Variants in PCDHA2 observed in about 807,000 individuals in gnomAD.
The protein encoded by PCDHA2 is protocadherin alpha 2, also known as protocadherin alpha-2.
A neutral mutation model predicts 66.0 loss-of-function variants in PCDHA2; 58 were observed. The ratio of observed to expected loss-of-function variants is 0.88; its 90% CI spans 0.71 to 1.09. PCDHA2 has a LOEUF of 1.09. PCDHA2 is among the 50% of genes least tolerant of loss of function. PCDHA2 has a pLI of 0.00. For missense variants in PCDHA2, 1,267 were observed against 1,242.3 expected, an observed-to-expected ratio of 1.02 and a Z score of -0.30; for synonymous variants, 634 against 554.0, an observed-to-expected ratio of 1.14 and a Z score of -2.03.
At chr5:140,948,897 T>C (rs1487067374) in intron 1 of PCDHA2, among the ~76,000 whole-genome samples, 1 of 151,680 alleles carries the variant, frequency 6.6e-6, no homozygotes. Context: ...AGATTTTAAG[T>C]GGATTCTTAG....
At chr5:140,954,591 G>A (rs951330274) in intron 1 of PCDHA2, among the ~76,000 whole-genome samples, 3 of 152,062 alleles carry the variant, frequency 2.0e-5, no homozygotes, top group Non-Finnish European at 2.9e-5. Context: ...GTCTGTTCAT[G>A]TTCTTTGCCC....
At chr5:140,875,884 C>T (rs531777396) in intron 1 of PCDHA2, 2 of 1,614,168 alleles carry the variant, frequency 1.2e-6, no homozygotes, top group South Asian at 2.2e-5. Flanking sequence ...AGAAAGGGAA[C>T]AAAAGGTACC....
At chr5:140,875,207 C>A in intron 1 of PCDHA2, 3 of 660,292 alleles carry the variant, frequency 4.5e-6, no homozygotes, top group Non-Finnish European at 6.7e-6. Flanking sequence ...AGTGGCTAAA[C>A]CGAAAAGAAC....
intron 3 of PCDHA2, among the ~76,000 whole-genome samples, chr5:140,993,224 G>A (rs547665525): frequency 6.6e-6 from 1 of 152,210 alleles, no homozygotes; most frequent in East Asian, 1.9e-4. Context: ...TTTTTGGTAT[G>A]TTCTCTCTGA....
intron 1 of PCDHA2, chr5:140,835,455 C>T: frequency 2.5e-6 from 4 of 1,613,900 alleles, no homozygotes; most frequent in Non-Finnish European, 3.4e-6. Context: ...CCTGTCTCTC[C>T]CTATTCCAGA....
At chr5:140,828,300 A>C in intron 1 of PCDHA2, 1 of 1,614,058 alleles carries the variant, frequency 6.2e-7, no homozygotes, top group Non-Finnish European at 8.5e-7. Context: ...GCCTCCAAAG[A>C]CCGCGAGGAC....
intron 1 of PCDHA2, chr5:140,816,846 T>G (rs1327964191): frequency 2.6e-5 from 4 of 152,194 alleles, no homozygotes; most frequent in African/African-American, 9.7e-5. Context: ...CTGTGTGCTG[T>G]ACTGTGGGCC....
chr5:140,843,470 C>T (rs2150360769), intron 1 of PCDHA2: 2 of 1,596,070 alleles, frequency 1.3e-6, no homozygotes, highest in South Asian at 2.2e-5. Flanking sequence ...CACGCTGCTG[C>T]TGTACACTGC....
At chr5:140,934,508 C>G (rs2089875994) in intron 1 of PCDHA2, among the ~76,000 whole-genome samples, 1 of 152,096 alleles carries the variant, frequency 6.6e-6, no homozygotes, top group African/African-American at 2.4e-5. Flanking sequence ...CCCAAAGGGT[C>G]CATAGACCAC....
chr5:140,966,017 G>A (rs946123044), intron 1 of PCDHA2, among the ~76,000 whole-genome samples: 1 of 152,144 alleles, frequency 6.6e-6, no homozygotes, highest in Non-Finnish European at 1.5e-5. Flanking sequence ...GGGAAGATGT[G>A]GGAGTCAGGT....
At chr5:140,814,743 A>G (rs1554126583) in intron 1 of PCDHA2, 2 of 152,286 alleles carry the variant, frequency 1.3e-5, no homozygotes, top group African/African-American at 4.8e-5. Flanking sequence ...TTATAATCTT[A>G]TGGGACTACT....
intron 1 of PCDHA2, among the ~76,000 whole-genome samples, chr5:140,947,396 A>G (rs113635864): frequency 6.6e-6 from 1 of 151,710 alleles, no homozygotes; most frequent in Non-Finnish European, 1.5e-5. Flanking sequence ...CACTAAAAGT[A>G]GACTGTCTTG....
At chr5:140,860,697 ATTG>A (rs1191589465) in intron 1 of PCDHA2, 2 of 152,170 alleles carry the variant, frequency 1.3e-5, no homozygotes, top group African/African-American at 4.8e-5. Context: ...GCGACAGGAT[ATTG>A]TTGTTCTCCA....
chr5:140,901,268 T>C (rs185427298), intron 1 of PCDHA2, among the ~76,000 whole-genome samples: 57 of 152,328 alleles, frequency 3.7e-4, no homozygotes, highest in African/African-American at 1.3e-3. Context: ...TGTGGGGTAT[T>C]ACTCAAGAAA....
chr5:140,928,642 G>C, intron 1 of PCDHA2: 1 of 1,614,232 alleles, frequency 6.2e-7, no homozygotes, highest in African/African-American at 1.3e-5. Flanking sequence ...CACAAAAGTG[G>C]TAGCAGAGGA....
intron 1 of PCDHA2, among the ~76,000 whole-genome samples, chr5:140,924,902 AAAATAAAATAAAAT>A (rs1442290811): frequency 5.1e-5 from 2 of 39,026 alleles, no homozygotes; most frequent in East Asian, 1.3e-3. Flanking sequence ...CTCAAAAAAA[AAAATAAAATAAAAT>A]AAAATAAAAT....
At chr5:140,830,470 AG>A in intron 1 of PCDHA2, 2 of 1,563,546 alleles carry the variant, frequency 1.3e-6, no homozygotes. Context: ...ATTTAAATGA[AG>A]ATCATGATGC....
chr5:140,877,488 C>A lies in PCDHA2; in HGVS notation c.2388+80136C>A, dbSNP rs781785108. On this transcript the variant is annotated intron_variant, in intron 1 of 3. Coordinates refer to ENST00000526136, the MANE Select transcript of PCDHA2 (RefSeq NM_018905.3). ...CGGTGCTGGTGTCGCTGGTGGAGAACGGCCAGGCCCCAAAGACGTCGTCGC... is the reference window on the plus strand; with the variant it reads ...CGGTGCTGGTGTCGCTGGTGGAGAAAGGCCAGGCCCCAAAGACGTCGTCGC... The A allele has an allele frequency of 2.5e-6, 4 of 1,613,736 alleles. No individual in the cohort carries two copies. The African/African-American group carries it at 5.3e-5, about 22-fold the overall frequency.
chr5:140,835,749 G>C, intron 1 of PCDHA2: 1 of 1,613,432 alleles, frequency 6.2e-7, no homozygotes. Context: ...CCCGGCGTTC[G>C]CGCAGCCCGA....
Sources: gnomAD v4.1 joint callset for allele counts (sites outside exome capture counted in the v4.1 genomes callset) on GRCh38, gnomAD v4.1.1 for gene constraint, MANE v1.5 for transcripts, NCBI Gene and HGNC (gene_info 2026-07-23, HGNC 2026-07-21) for gene names.